The following MINDY4B variants were observed in gnomAD, a reference collection of about 807,000 sequenced individuals.
The protein encoded by MINDY4B is MINDY family member 4B, also known as inactive ubiquitin carboxyl-terminal hydrolase MINDY-4B.
MINDY4B carries 25 observed loss-of-function variants against 16.7 expected under a neutral mutation model. The ratio of observed to expected loss-of-function variants is 1.49; its 90% CI spans 1.09 to 2.09. The LOEUF (loss-of-function observed/expected upper bound fraction) is 2.09, where lower values mean the gene tolerates loss of function less well. MINDY4B is among the 30% of genes most tolerant of loss of function. The probability of loss-of-function intolerance (pLI) is 0.00; values close to 1 mark genes in which losing one functional copy is unlikely to be tolerated. For missense variants in MINDY4B, 327 were observed against 168.4 expected (o/e 1.94, Z -5.21); for synonymous variants, 132 against 61.9 (o/e 2.13, Z -5.32).
rs553621862 is a variant in MINDY4B at position 150,893,483 on chromosome 3, C to T, written c.430-68G>A. On this transcript the variant is annotated intron_variant, in intron 4 of 11. Transcript: ENST00000465419. ...AATTAATGTTATCTATTCTTCTCTG[C>T]AGGCTTTTCCCTCCTGGTATCCCCC... 30 of 700,604 alleles carry T rather than the reference C, an allele frequency of 4.3e-5. 1 individual carries two copies. Among genetic ancestry groups the T allele is most frequent in the South Asian group, 4.0e-4 (27 of 67,500 alleles). The allele number at this position is 700,604 out of a possible 1,614,324, so 43.4% of individuals were successfully genotyped here.
intron 10 of MINDY4B, 116 bp downstream of exon 10, chr3:150,882,781 A>G: frequency 2.1e-6 from 1 of 470,534 alleles, no homozygotes; most frequent in Non-Finnish European, 3.8e-6. Context: ...GGAGGTACAC[A>G]GGCAGACAGT....
At chr3:150,890,791 C>T (rs1022297832) in intron 6 of MINDY4B, 147 bp downstream of exon 6, 63 of 588,272 alleles carry the variant, frequency 1.1e-4, no homozygotes, top group Non-Finnish European at 1.2e-4. Flanking sequence ...GGATCACTTA[C>T]AGCCCTTGGT....
intron 7 of MINDY4B, among the ~76,000 whole-genome samples, chr3:150,889,837 G>A (rs1711720192): frequency 6.6e-6 from 1 of 152,180 alleles, no homozygotes; most frequent in South Asian, 2.1e-4. Context: ...TTTCCACCCT[G>A]GGGGTAGGGA....
At chr3:150,896,338 G>T (rs1711966644) in intron 3 of MINDY4B, among the ~76,000 whole-genome samples, 1 of 151,970 alleles carries the variant, frequency 6.6e-6, no homozygotes, top group Non-Finnish European at 1.5e-5. Context: ...TCCCTGATTA[G>T]CTTAATAACC....
At chr3:150,903,147 A>G (rs1055723910) in intron 3 of MINDY4B, 102 bp downstream of exon 3, 1 of 397,194 alleles carries the variant, frequency 2.5e-6, no homozygotes, top group African/African-American at 2.1e-5. Flanking sequence ...CTGTAGTCTT[A>G]TCTTCAATAT....
intron 6 of MINDY4B, 111 bp downstream of exon 6, chr3:150,890,827 G>A (rs1711780467): frequency 1.3e-5 from 8 of 622,154 alleles, no homozygotes; most frequent in Middle Eastern, 3.8e-4. Flanking sequence ...AGGCACCTCC[G>A]GTCACATCAG....
intron 3 of MINDY4B, among the ~76,000 whole-genome samples, chr3:150,896,967 G>T (rs1174671325): frequency 6.6e-6 from 1 of 152,172 alleles, no homozygotes; most frequent in African/African-American, 2.4e-5. Context: ...GCTAGAAACT[G>T]CTGCCTGTGA....
rs571611341 is a variant in MINDY4B, at chr3:150,870,843, G to T, written c.*202C>A. 6.6e-6 allele frequency among the ~76,000 whole-genome samples: 1 copy of T among 152,258 alleles called. No individual in the cohort carries two copies. Among genetic ancestry groups the T allele is most frequent in the South Asian group, 2.1e-4 (1 of 4,822 alleles). Reference sequence around the variant, plus strand: ...GGCACCATGCAGGCCCTGGTGTGGGGGCCTGTGTTTCTCCTACAATGCTGA... The same window carrying T: ...GGCACCATGCAGGCCCTGGTGTGGGTGCCTGTGTTTCTCCTACAATGCTGA... On this transcript the variant is annotated 3_prime_UTR_variant, in exon 12 of 12. Coordinates refer to ENST00000465419, the MANE Select transcript of MINDY4B (RefSeq NM_001351281.2).
At chr3:150,873,049 G>A in intron 11 of MINDY4B, 138 bp downstream of exon 11, 2 of 569,602 alleles carry the variant, frequency 3.5e-6, no homozygotes, top group Non-Finnish European at 6.2e-6. Context: ...GGATTCATGT[G>A]TGGGTTTCAT....
chr3:150,900,977 C>G lies in MINDY4B; in HGVS notation c.309+2272G>C, dbSNP rs148858074. 9.4e-4 allele frequency among the ~76,000 whole-genome samples: 143 copies of G among 152,286 alleles called. 1 individual carries two copies. Among genetic ancestry groups the G allele is most frequent in the African/African-American group, 3.4e-3 (141 of 41,532 alleles). On this transcript the variant is annotated intron_variant, in intron 3 of 11. Coordinates refer to ENST00000465419, the MANE Select transcript of MINDY4B (RefSeq NM_001351281.2). ...GACAAAAAGGTATGTGGTGAAGACT[C>G]CCTGCCATCCACGTCTCCCTTGTAC...
intron 3 of MINDY4B, among the ~76,000 whole-genome samples, chr3:150,900,834 T>C (rs543325151): frequency 2.1e-4 from 32 of 152,268 alleles, no homozygotes; most frequent in African/African-American, 7.5e-4. Flanking sequence ...GTTTCTCGCC[T>C]CCCCAGTACA....
In MINDY4B at chr3:150,880,215, T is replaced by C. The variant is rs1489628415; in HGVS notation, c.1059+2682A>G. Among the ~76,000 whole-genome samples, 6 of 152,248 alleles carry C rather than the reference T, an allele frequency of 3.9e-5. No homozygotes were observed. The East Asian group carries it at 1.2e-3, about 29-fold the overall frequency. On this transcript the variant is annotated intron_variant, in intron 10 of 11. Coordinates refer to ENST00000465419, the MANE Select transcript of MINDY4B (RefSeq NM_001351281.2). ...AGTCACACACCTGTGAGTGGCATGG[T>C]AAGGCCTCCAGCCAAGCCTGCCGAT...
chr3:150,880,250 A>G (rs980748266), intron 10 of MINDY4B, among the ~76,000 whole-genome samples: 2 of 152,162 alleles, frequency 1.3e-5, no homozygotes, highest in African/African-American at 2.4e-5. Context: ...TTTCCAGGCC[A>G]GGGTTATTTT....
chr3:150,889,659 C>A (rs187211574), intron 7 of MINDY4B, among the ~76,000 whole-genome samples: 1 of 152,330 alleles, frequency 6.6e-6, no homozygotes, highest in African/African-American at 2.4e-5. Flanking sequence ...TTTCCCTGCT[C>A]CATGCAATGA....
Position 150,892,376 on chromosome 3 carries a change from A to G in MINDY4B, c.521+948T>C, listed in dbSNP as rs73003596. On this transcript the variant is annotated intron_variant, in intron 5 of 11. Transcript: ENST00000465419. ...TTTCTCCTGAGGGCACTCCCTTAAT[A>G]AATCACTTGCGTCAAGAATCCACAT... Among the ~76,000 whole-genome samples the G allele has an allele frequency of 4.5e-3, 685 of 152,300 alleles. 6 individuals are homozygous for G. The highest frequency in any genetic ancestry group is 0.016 in the African/African-American group (651 of 41,558).
rs1717015185 is a variant in MINDY4B at position 150,873,423 on chromosome 3, C to T, written c.1060-56G>A. The T allele has an allele frequency of 6.0e-6, 4 of 671,516 alleles. No individual in the cohort carries two copies. The East Asian group carries it at 1.1e-4, about 18-fold the overall frequency. The allele number at this position is 671,516 out of a possible 1,614,324, so 41.6% of individuals were successfully genotyped here. A position where few individuals can be genotyped will look rare whatever the true frequency, so the allele number is the denominator to read the frequency against. ...ATATAGATTTTGCCACATTGTGACA[C>T]ATGCCGATACATGATCGCGACCAAA... On this transcript the variant is annotated intron_variant, in intron 10 of 11. Coordinates refer to ENST00000465419, the MANE Select transcript of MINDY4B (RefSeq NM_001351281.2).
chr3:150,881,480 C>T (rs1711520915), intron 10 of MINDY4B, among the ~76,000 whole-genome samples: 1 of 151,370 alleles, frequency 6.6e-6, no homozygotes, highest in Non-Finnish European at 1.5e-5. Context: ...TAGAATAAGA[C>T]ATATTGATAT....
intron 5 of MINDY4B, among the ~76,000 whole-genome samples, chr3:150,891,761 C>CAAAA (rs35565267): frequency 8.7e-5 from 6 of 68,650 alleles, no homozygotes; most frequent in Middle Eastern, 8.2e-3. Context: ...GACTCCATCT[C>CAAAA]AAAAAAAAAA....
At chr3:150,890,908 A>T (rs942450839) in intron 6 of MINDY4B, 30 bp downstream of exon 6, 1 of 697,886 alleles carries the variant, frequency 1.4e-6, no homozygotes, top group Non-Finnish European at 2.6e-6. Flanking sequence ...CTGGCCTTTC[A>T]TCTGCCAGGA....
Sources: gnomAD v4.1 joint callset for allele counts (sites outside exome capture counted in the v4.1 genomes callset) on GRCh38, gnomAD v4.1.1 for gene constraint, MANE v1.5 for transcripts, NCBI Gene and HGNC (gene_info 2026-07-23, HGNC 2026-07-21) for gene names.